Variants in FAP observed in about 807,000 individuals in gnomAD.
FAP encodes prolyl endopeptidase FAP.
FAP carries 110 observed loss-of-function variants against 126.5 expected under a neutral mutation model. The observed-to-expected ratio is 0.87, with a 90% confidence interval of 0.74 to 1.02. FAP has a LOEUF of 1.02. Among genes scored for constraint, FAP ranks in the 50% least tolerant of loss-of-function variants. FAP has a pLI of 0.00. For synonymous variants in FAP, 334 were observed against 297.3 expected (o/e 1.12, Z -1.27); for missense variants, 919 against 909.2 (o/e 1.01, Z -0.14).
intron 15 of FAP, 55 bp downstream of exon 15, chr2:162,200,511 T>C: frequency 1.0e-6 from 1 of 1,000,108 alleles, no homozygotes; most frequent in South Asian, 1.4e-5. Flanking sequence ...GATGATGACT[T>C]TTTATATTAA....
chr2:162,176,522 T>G (rs1559760008), intron 21 of FAP: 1 of 152,188 alleles, frequency 6.6e-6, no homozygotes, highest in South Asian at 2.1e-4. Context: ...AAATTCTCTG[T>G]CTGGTTTAAA....
chr2:162,202,587 G>C (rs918387672), intron 14 of FAP, among the ~76,000 whole-genome samples: 2 of 152,192 alleles, frequency 1.3e-5, no homozygotes, highest in Non-Finnish European at 2.9e-5. Flanking sequence ...GTGCTGAAGG[G>C]TAAAATTTGC....
intron 7 of FAP, 39 bp downstream of exon 7, chr2:162,219,814 A>T: frequency 7.1e-7 from 1 of 1,403,434 alleles, no homozygotes; most frequent in Non-Finnish European, 1.0e-6. Context: ...CTCCTCTTTT[A>T]TTTACATGAT....
intron 6 of FAP, among the ~76,000 whole-genome samples, chr2:162,221,245 A>G (rs1689382083): frequency 6.6e-6 from 1 of 152,104 alleles, no homozygotes; most frequent in Non-Finnish European, 1.5e-5. Context: ...AGCCCAGTTA[A>G]AAGATTGACC....
chr2:162,192,034 T>TTCCTTCCATTTTTTCTGCTGATTTCC (rs1688066591), intron 17 of FAP, among the ~76,000 whole-genome samples: 1 of 152,106 alleles, frequency 6.6e-6, no homozygotes, highest in Non-Finnish European at 1.5e-5. Flanking sequence ...CCTCTATGTT[T>TTCCTTCCATTTTTTCTGCTGATTTCC]TCCTTCCATT....
At chr2:162,239,188 T>C (rs1196769945) in intron 2 of FAP, among the ~76,000 whole-genome samples, 1 of 152,046 alleles carries the variant, frequency 6.6e-6, no homozygotes, top group Non-Finnish European at 1.5e-5. Context: ...CATGCCACCA[T>C]GCCCAGCTAA....
chr2:162,224,203 T>C (rs1252443987), intron 5 of FAP, among the ~76,000 whole-genome samples: 1 of 152,180 alleles, frequency 6.6e-6, no homozygotes, highest in Admixed American at 6.5e-5. Context: ...TTCTTAAAGC[T>C]CTTTGTTTTC....
chr2:162,219,918 C>G lies in FAP; in HGVS notation c.421G>C (p.Val141Leu). ...YIYDLSNGEF[V>L]RGNELPRPIQ... ...GGACGAGGAAGCTCATTTCCTCTTA[C>G]AAATTCTCTAGAAGGAAAGAAAGAA... The change falls in exon 7 of 26, where the codon GTA (valine) becomes CTA (leucine). Residue 141 changes from valine to leucine, a missense_variant. Transcript: ENST00000188790. 1 of 1,610,278 alleles carries G rather than the reference C, an allele frequency of 6.2e-7. No homozygotes were observed.
chr2:162,206,535 C>G (rs1412154195), intron 12 of FAP, among the ~76,000 whole-genome samples: 2 of 151,832 alleles, frequency 1.3e-5, no homozygotes, highest in East Asian at 3.9e-4. Context: ...TTTTTTGAAC[C>G]AAGGGATTTT....
At chr2:162,212,373 GT>G (rs1688973817) in intron 11 of FAP, among the ~76,000 whole-genome samples, 3 of 152,072 alleles carry the variant, frequency 2.0e-5, no homozygotes, top group Admixed American at 2.0e-4. Flanking sequence ...CAGACCAATT[GT>G]TTCTAATTAA....
rs1196271506 is a variant in FAP, at chr2:162,170,829, T to A, written c.*150A>T. The A allele has an allele frequency of 1.4e-5, 8 of 586,884 alleles. No individual in the cohort carries two copies. The highest frequency in any genetic ancestry group is 2.4e-5 in the Non-Finnish European group (8 of 332,854). 36.4% of individuals were successfully genotyped at this position (586,884 alleles called of 1,614,324 possible). On this transcript the variant is annotated 3_prime_UTR_variant, in exon 26 of 26. Coordinates refer to ENST00000188790, the MANE Select transcript of FAP (RefSeq NM_004460.5). ...ACAATATTTAGCTTGAACTTCTGAG[T>A]CCTCATCTTTTTTTTAACAGCCTTT...
At chr2:162,213,399 A>G (rs1484902864) in intron 11 of FAP, among the ~76,000 whole-genome samples, 4 of 150,726 alleles carry the variant, frequency 2.7e-5, no homozygotes, top group African/African-American at 9.9e-5. Flanking sequence ...AAACAAAAAA[A>G]CAAACAAAAA....
intron 2 of FAP, among the ~76,000 whole-genome samples, chr2:162,233,899 G>C (rs1689999228): frequency 6.6e-6 from 1 of 152,148 alleles, no homozygotes; most frequent in African/African-American, 2.4e-5. Context: ...TGTGGTGTGA[G>C]GAATTGGGTC....
chr2:162,198,752 C>G lies in FAP; in HGVS notation c.1402+5G>C. The G allele has an allele frequency of 2.5e-6, 4 of 1,614,006 alleles. No individual in the cohort carries two copies. The highest frequency in any genetic ancestry group is 3.4e-6 in the Non-Finnish European group (4 of 1,179,898). On this transcript the variant is annotated splice_donor_5th_base_variant and intron_variant, in intron 16 of 25. Coordinates refer to ENST00000188790, the MANE Select transcript of FAP (RefSeq NM_004460.5). ...TGCTGTGCTTATGTGAGGTCCGTTA[C>G]CTACCGTAGCAGACAAGTGCATAGT...
chr2:162,178,199 G>A (rs1271863442), intron 21 of FAP, among the ~76,000 whole-genome samples: 3 of 152,162 alleles, frequency 2.0e-5, no homozygotes, highest in Non-Finnish European at 2.9e-5. Context: ...ATTAAATCAT[G>A]AACTAATGCT....
chr2:162,222,802 G>A (rs1057162232), intron 6 of FAP, among the ~76,000 whole-genome samples: 1 of 151,872 alleles, frequency 6.6e-6, no homozygotes, highest in African/African-American at 2.4e-5. Context: ...ATGCTTCCTG[G>A]CCTTGGCTGT....
chr2:162,207,384 T>G (rs953667093), intron 12 of FAP, among the ~76,000 whole-genome samples: 2 of 152,240 alleles, frequency 1.3e-5, no homozygotes, highest in African/African-American at 4.8e-5. Context: ...GAATACATGT[T>G]AAGAGATTGA....
chr2:162,200,656 A>T lies in FAP; in HGVS notation c.1224-37T>A, dbSNP rs1226979414. On this transcript the variant is annotated intron_variant, in intron 14 of 25. Coordinates refer to ENST00000188790, the MANE Select transcript of FAP (RefSeq NM_004460.5). ...TTCAGAAATTATTAAGTATTGATAAATAAGTGATAATAGGATTGTTAGTAT... is the reference window on the plus strand; with the variant it reads ...TTCAGAAATTATTAAGTATTGATAATTAAGTGATAATAGGATTGTTAGTAT... 3 of 924,740 alleles carry T rather than the reference A, an allele frequency of 3.2e-6. No homozygotes were observed. In the South Asian group the frequency reaches 4.6e-5, roughly 14 times the overall value. The allele number at this position is 924,740 out of a possible 1,614,324, so 57.3% of individuals were successfully genotyped here.
intron 6 of FAP, 25 bp from the exon 7 acceptor site, chr2:162,219,950 A>T: frequency 6.6e-7 from 1 of 1,521,736 alleles, no homozygotes. Context: ...AGAAAGAAAA[A>T]CAACAAACCT....
Sources: allele counts gnomAD v4.1 joint callset (sites outside exome capture counted in the v4.1 genomes callset), GRCh38; gene constraint gnomAD v4.1.1; transcripts MANE v1.5; gene names NCBI Gene and HGNC (gene_info 2026-07-23, HGNC 2026-07-21).